Variants in ZNF609 observed in about 807,000 individuals in gnomAD.
The protein encoded by ZNF609 is zinc finger protein 609.
ZNF609 carries 11 observed loss-of-function variants against 109.5 expected under a neutral mutation model. The observed-to-expected ratio is 0.10, with a 90% confidence interval of 0.06 to 0.17. The LOEUF (loss-of-function observed/expected upper bound fraction) is 0.17. ZNF609 is among the 10% of genes least tolerant of loss of function. The pLI, the probability that ZNF609 is intolerant of heterozygous loss-of-function variation, is 1.00. For missense variants in ZNF609, 1,559 were observed against 1,772.4 expected, an observed-to-expected ratio of 0.88 and a Z score of 2.16; for synonymous variants, 646 against 662.0, an observed-to-expected ratio of 0.98 and a Z score of 0.37.
intron 2 of ZNF609, among the ~76,000 whole-genome samples, chr15:64,588,880 G>T (rs1895247699): frequency 6.6e-6 from 1 of 152,022 alleles, no homozygotes; most frequent in East Asian, 1.9e-4. Flanking sequence ...TCGGGTTCGG[G>T]TTATCCACCT....
chr15:64,571,813 G>C (rs1489682886), intron 2 of ZNF609, among the ~76,000 whole-genome samples: 2 of 152,118 alleles, frequency 1.3e-5, no homozygotes, highest in Non-Finnish European at 2.9e-5. Flanking sequence ...GGGGTTACAG[G>C]TGCCCACCAC....
At chr15:64,583,186 C>G (rs548251737) in intron 2 of ZNF609, among the ~76,000 whole-genome samples, 66 of 151,474 alleles carry the variant, frequency 4.4e-4, no homozygotes, top group African/African-American at 1.5e-3. Flanking sequence ...GCACCCGCCA[C>G]CACACCCAGC....
At chr15:64,516,407 T>G (rs922114045) in intron 2 of ZNF609, among the ~76,000 whole-genome samples, 14 of 152,236 alleles carry the variant, frequency 9.2e-5, no homozygotes, top group Non-Finnish European at 1.5e-4. Flanking sequence ...AGTCTTGCTC[T>G]GTTGCCCAGG....
At position 64,499,949 on chromosome 15, in the gene ZNF609, C is replaced by G; in HGVS notation, c.530C>G (p.Thr177Ser). ...SKKERSEGVG[T>S]CSEKDPGVLQ... ...AAGGAGAGAAGCGAAGGAGTGGGGA[C>G]TTGTTCAGAAAAGGATCCTGGGGTC... Residue 177 changes from threonine to serine, a missense_variant, in exon 2 of 10, where the codon ACT becomes AGT. This residue lies in a region of ZNF609 where 291 missense variants were observed against 317.8 expected (regional missense o/e 0.92). Coordinates refer to ENST00000326648, the MANE Select transcript of ZNF609 (RefSeq NM_015042.2). 1 of 1,613,998 alleles carries G rather than the reference C, an allele frequency of 6.2e-7. No individual in the cohort carries two copies. Among genetic ancestry groups the G allele is most frequent in the Non-Finnish European group, 8.5e-7 (1 of 1,180,022 alleles).
chr15:64,620,676 G>A (rs1452066018), intron 2 of ZNF609, among the ~76,000 whole-genome samples: 1 of 152,166 alleles, frequency 6.6e-6, no homozygotes, highest in African/African-American at 2.4e-5. Flanking sequence ...AAGCAGACAA[G>A]GATGTTTTGG....
At chr15:64,481,620 G>A (rs1053793146) in intron 1 of ZNF609, among the ~76,000 whole-genome samples, 1 of 151,850 alleles carries the variant, frequency 6.6e-6, no homozygotes, top group African/African-American at 2.4e-5. Context: ...GTGAAGAAAG[G>A]CATCTTTCTA....
chr15:64,462,175 A>G (rs1892951481), intron 1 of ZNF609, among the ~76,000 whole-genome samples: 1 of 152,186 alleles, frequency 6.6e-6, no homozygotes, highest in East Asian at 1.9e-4. Context: ...GCCAGAGAGA[A>G]AGGCTCTTCT....
chr15:64,647,301 G>A (rs1434224823), intron 3 of ZNF609, among the ~76,000 whole-genome samples: 4 of 152,076 alleles, frequency 2.6e-5, no homozygotes, highest in African/African-American at 9.7e-5. Context: ...GGGCCGTGGG[G>A]AGCATAGGGA....
chr15:64,597,100 G>T (rs781684966), intron 2 of ZNF609, among the ~76,000 whole-genome samples: 37 of 152,126 alleles, frequency 2.4e-4, no homozygotes, highest in Non-Finnish European at 5.3e-4. Flanking sequence ...AAATGAGATG[G>T]CCCTGAGCAC....
At chr15:64,530,607 T>G (rs1191582505) in intron 2 of ZNF609, among the ~76,000 whole-genome samples, 1 of 152,224 alleles carries the variant, frequency 6.6e-6, no homozygotes, top group African/African-American at 2.4e-5. Context: ...TTCTGTGTGG[T>G]CTTCTTCCAT....
At chr15:64,563,648 T>C (rs969774868) in intron 2 of ZNF609, among the ~76,000 whole-genome samples, 3 of 151,730 alleles carry the variant, frequency 2.0e-5, no homozygotes, top group African/African-American at 7.3e-5. Context: ...TGGTGGCGCA[T>C]GCCTGTAATC....
chr15:64,647,359 G>GA (rs1486394176), intron 3 of ZNF609, among the ~76,000 whole-genome samples: 3 of 152,032 alleles, frequency 2.0e-5, no homozygotes, highest in Non-Finnish European at 2.9e-5. Context: ...TTCAGGTGAT[G>GA]AAAAAGTTTT....
intron 3 of ZNF609, among the ~76,000 whole-genome samples, chr15:64,649,489 CT>C (rs1001793842): frequency 2.0e-5 from 3 of 152,116 alleles, no homozygotes; most frequent in African/African-American, 7.2e-5. Flanking sequence ...AGATTCTTAT[CT>C]TTGGAAGGAA....
intron 2 of ZNF609, among the ~76,000 whole-genome samples, chr15:64,535,052 A>AC (rs61293216): frequency 6.6e-6 from 1 of 151,806 alleles, no homozygotes; most frequent in Non-Finnish European, 1.5e-5. Context: ...AAAAAAAAAA[A>AC]CTGTTATTTA....
At chr15:64,492,474 C>A (rs962164647) in intron 1 of ZNF609, among the ~76,000 whole-genome samples, 2 of 152,116 alleles carry the variant, frequency 1.3e-5, no homozygotes, top group Non-Finnish European at 2.9e-5. Flanking sequence ...TGAAACAGTT[C>A]TCCCTAAGTT....
intron 2 of ZNF609, among the ~76,000 whole-genome samples, chr15:64,581,628 C>T (rs997204489): frequency 3.3e-5 from 5 of 152,096 alleles, no homozygotes; most frequent in African/African-American, 9.7e-5. Flanking sequence ...TTCACAGGCA[C>T]GCCAACCCTG....
At chr15:64,555,723 A>T (rs1894570447) in intron 2 of ZNF609, among the ~76,000 whole-genome samples, 1 of 151,868 alleles carries the variant, frequency 6.6e-6, no homozygotes, top group African/African-American at 2.4e-5. Flanking sequence ...CTCTACTAAG[A>T]ATACAAAAAT....
intron 2 of ZNF609, among the ~76,000 whole-genome samples, chr15:64,593,744 G>A (rs1345087486): frequency 1.3e-5 from 2 of 152,160 alleles, no homozygotes; most frequent in Non-Finnish European, 2.9e-5. Context: ...TGCCCAGGCT[G>A]GTCTCAAACT....
intron 1 of ZNF609, among the ~76,000 whole-genome samples, chr15:64,472,077 A>T (rs1285968881): frequency 6.7e-6 from 1 of 149,682 alleles, no homozygotes; most frequent in Non-Finnish European, 1.5e-5. Context: ...CGCCCAGCTA[A>T]TTTTTGTATT....
Sources: allele counts gnomAD v4.1 joint callset (sites outside exome capture counted in the v4.1 genomes callset), GRCh38; gene constraint gnomAD v4.1.1; regional missense constraint gnomAD v4.1.1; transcripts MANE v1.5; gene names NCBI Gene and HGNC (gene_info 2026-07-23, HGNC 2026-07-21).